COL2A1: variants seen among roughly 807,000 people sequenced by gnomAD.
COL2A1 encodes the protein collagen type II alpha 1 chain.
COL2A1 carries 28 observed loss-of-function variants against 204.5 expected under a neutral mutation model. The observed-to-expected ratio is 0.14, with a 90% CI of 0.10 to 0.19. The LOEUF is 0.19. Ranked by LOEUF, COL2A1 falls within the 10% of genes least tolerant of loss-of-function variation. COL2A1 has a pLI of 1.00. For missense variants in COL2A1, 1,388 were observed against 2,027.5 expected (o/e 0.68, Z 6.06); for synonymous variants, 708 against 718.7 (o/e 0.99, Z 0.24).
chr12:47,974,959 A>T, intron 51 of COL2A1, 97 bp from the exon 52 acceptor site: 1 of 1,283,730 alleles, frequency 7.8e-7, no homozygotes, highest in Admixed American at 2.1e-5. Flanking sequence ...AGAGAGGCCT[A>T]CAGGGACAAG....
At chr12:47,979,688 A>C in intron 40 of COL2A1, 124 bp from the exon 41 acceptor site, 1 of 898,318 alleles carries the variant, frequency 1.1e-6, no homozygotes, top group Non-Finnish European at 1.8e-6. Flanking sequence ...GCAAAGCAGC[A>C]AGGGGGATCC....
chr12:47,986,440 G>A lies in COL2A1; in HGVS notation c.1423C>T (p.Pro475Ser), dbSNP rs757226164. 5.8e-6 allele frequency: 9 copies of A among 1,552,764 alleles called. No individual in the cohort carries two copies. Among genetic ancestry groups the A allele is most frequent in the Non-Finnish European group, 7.9e-6 (9 of 1,145,960 alleles). ...GEQGPKGEPG[P>S]AGPQGAPGPA... ...CCAGGGGCTCCCTGGGGGCCAGCAG[G>A]GCCCTGAGGACCAGCAAAAAAGAGA... The change falls in exon 23 of 54, where the codon CCT (proline) becomes TCT (serine). Residue 475 changes from proline (P) to serine (S), a missense_variant. Physicochemically the swap from Pro to Ser is moderately conservative, Grantham distance 74 (BLOSUM62 -1). This residue lies in a region of COL2A1 where 884 missense variants were observed against 1,415.8 expected (regional missense o/e 0.62). Coordinates refer to ENST00000380518, the MANE Select transcript of COL2A1 (RefSeq NM_001844.5).
Position 47,985,926 on chromosome 12 carries a change from G to A in COL2A1, c.1567C>T (p.Leu523=). Residue 523 remains leucine, a synonymous_variant, in exon 24 of 54, where the codon CTG becomes TTG. Coordinates refer to ENST00000380518, the MANE Select transcript of COL2A1 (RefSeq NM_001844.5). ...GNRGFPGQDG[L]AGPKGAPGER... Reference sequence around the variant, plus strand: ...CTCCCACTCACCTTGGGACCTGCCAGACCATCTTGACCTGGGAAACCGCGG... The same window carrying A: ...CTCCCACTCACCTTGGGACCTGCCAAACCATCTTGACCTGGGAAACCGCGG... 1 of 1,552,288 alleles carries A rather than the reference G, an allele frequency of 6.4e-7. No homozygotes were observed.
intron 31 of COL2A1, 62 bp from the exon 32 acceptor site, chr12:47,983,199 C>T: frequency 1.9e-6 from 3 of 1,576,384 alleles, no homozygotes; most frequent in Non-Finnish European, 2.6e-6. Flanking sequence ...CTGAACAATT[C>T]TCCACAGCAG....
chr12:47,982,439 C>T lies in COL2A1; in HGVS notation c.2301+63G>A, dbSNP rs888396446. On this transcript the variant is annotated intron_variant, in intron 34 of 53. Transcript: ENST00000380518. ...GGTGCCATAAGGGAACGGAAGCGATCACAAGGGGCAGGAATGTGGCAAAGC... is the reference window on the plus strand; with the variant it reads ...GGTGCCATAAGGGAACGGAAGCGATTACAAGGGGCAGGAATGTGGCAAAGC... 14 of 1,385,600 alleles carry T rather than the reference C, an allele frequency of 1.0e-5. No individual in the cohort carries two copies. The African/African-American group carries it at 1.1e-4, about 11-fold the overall frequency. The allele number at this position is 1,385,600 out of a possible 1,614,324, so 85.8% of individuals were successfully genotyped here.
In COL2A1 at chr12:47,973,078, G is replaced by A; in HGVS notation, c.*329C>T. The A allele has an allele frequency of 1.7e-6, 1 of 595,986 alleles. No individual in the cohort carries two copies. The highest frequency in any genetic ancestry group is 3.0e-6 in the Non-Finnish European group (1 of 334,892). The allele number at this position is 595,986 out of a possible 1,614,324, so 36.9% of individuals were successfully genotyped here. A position where few individuals can be genotyped will look rare whatever the true frequency, so the allele number is the denominator to read the frequency against. On this transcript the variant is annotated 3_prime_UTR_variant, in exon 54 of 54. Transcript: ENST00000380518. ...AGGACACACACAGTTCCTGCGCCCG[G>A]CACCTGAAGGGAGGTCTTCTGGCCT...
intron 34 of COL2A1, among the ~76,000 whole-genome samples, 153 bp from the exon 35 acceptor site, chr12:47,982,313 G>A (rs1365905883): frequency 6.6e-6 from 1 of 152,188 alleles, no homozygotes; most frequent in East Asian, 1.9e-4. Flanking sequence ...CAGCAGGGGT[G>A]AGATGAAGGA....
At chr12:47,983,059 G>A in intron 32 of COL2A1, 34 bp downstream of exon 32, 1 of 1,612,734 alleles carries the variant, frequency 6.2e-7, no homozygotes, top group Non-Finnish European at 8.5e-7. Flanking sequence ...GCAGGCCCAA[G>A]GAGGCAGCCC....
chr12:47,992,521 T>C (rs1474238674), intron 16 of COL2A1, among the ~76,000 whole-genome samples: 1 of 152,160 alleles, frequency 6.6e-6, no homozygotes, highest in East Asian at 1.9e-4. Flanking sequence ...TCTAGGGCAT[T>C]TGAGCAACCA....
chr12:47,983,493 C>G, intron 30 of COL2A1, 55 bp from the exon 31 acceptor site: 1 of 1,580,640 alleles, frequency 6.3e-7, no homozygotes, highest in East Asian at 2.2e-5. Context: ...GCCCTGGCCC[C>G]CAGGGAGGCA....
chr12:47,986,991 C>T (rs1195031256), intron 21 of COL2A1, 87 bp downstream of exon 21: 4 of 1,583,690 alleles, frequency 2.5e-6, no homozygotes, highest in Non-Finnish European at 3.5e-6. Flanking sequence ...CGCTGTGAGG[C>T]CAGGGCAGGA....
chr12:47,984,852 C>A (rs1349756068), intron 27 of COL2A1, 143 bp downstream of exon 27: 2 of 801,130 alleles, frequency 2.5e-6, no homozygotes, highest in Middle Eastern at 2.3e-4. Context: ...CACATACAGA[C>A]CCCCACTGCC....
chr12:47,991,712 A>T (rs907782636), intron 16 of COL2A1, among the ~76,000 whole-genome samples: 2 of 152,222 alleles, frequency 1.3e-5, no homozygotes, highest in Non-Finnish European at 2.9e-5. Context: ...GGGAACAAGG[A>T]CAGGAGATGG....
intron 28 of COL2A1, 29 bp downstream of exon 28, chr12:47,984,515 CAA>C (rs754784117): frequency 8.1e-6 from 13 of 1,613,160 alleles, no homozygotes; most frequent in Non-Finnish European, 1.1e-5. Flanking sequence ...CGGCCAACAC[CAA>C]GTCATGGGCA....
chr12:48,003,314 T>TAC (rs148302257), intron 1 of COL2A1, among the ~76,000 whole-genome samples: 29 of 150,192 alleles, frequency 1.9e-4, no homozygotes, highest in Admixed American at 4.0e-4. Flanking sequence ...GACACACACA[T>TAC]ACACACACAC....
In COL2A1 at chr12:47,998,036, G is replaced by A. The variant is rs754127735; in HGVS notation, c.371C>T (p.Pro124Leu). ...AGAGATTTCTCCCTCTCTTACCTGA[G>A]GCCCAGGAGGTCCTTTGGGTCCTAC... ...DIVGPKGPPG[P>L]QGPAGEQGPR... is the part of the protein sequence containing the mutation. Residue 124 changes from proline (P) to leucine (L), a missense_variant, in exon 5 of 54, where the codon CCT becomes CTT. Around this residue, in one of 3 missense-constraint regions of COL2A1, gnomAD observed 201 missense variants for 242.4 expected, o/e 0.83. Transcript: ENST00000380518. The A allele has an allele frequency of 1.1e-5, 18 of 1,614,074 alleles. No homozygotes were observed. The highest frequency in any genetic ancestry group is 6.8e-6 in the Non-Finnish European group (8 of 1,180,032).
chr12:47,978,332 G>T lies in COL2A1; in HGVS notation c.2962C>A (p.Gln988Lys). ...GQRGIVGLPG[Q>K]RGERGFPGLP... ...CCAGGGAATCCTCTCTCACCACGTTGCCCAGGCAGACCGACGATGCCTCTC... is the reference window on the plus strand; with the variant it reads ...CCAGGGAATCCTCTCTCACCACGTTTCCCAGGCAGACCGACGATGCCTCTC... The change falls in exon 43 of 54, where the codon CAA becomes AAA. Residue 988 changes from glutamine (Q) to lysine (K), a missense_variant. Physicochemically the swap from Gln to Lys is moderately conservative, Grantham distance 53. Coordinates refer to ENST00000380518, the MANE Select transcript of COL2A1 (RefSeq NM_001844.5). This position sits in a 1 kb window ranked among gnomAD's most constrained non-coding sequence, Gnocchi z 5.5. The T allele has an allele frequency of 1.9e-6, 3 of 1,614,072 alleles. No homozygotes were observed. Among genetic ancestry groups the T allele is most frequent in the Non-Finnish European group, 1.7e-6 (2 of 1,180,024 alleles).
upstream of COL2A1, chr12:48,006,053 A>T (rs1315550975): frequency 6.6e-6 from 1 of 152,218 alleles, no homozygotes; most frequent in Non-Finnish European, 1.5e-5. Flanking sequence ...CATCTCCCCT[A>T]CCTTCCACGG....
In COL2A1 at chr12:47,986,292, G is replaced by A. The variant is rs41317921; in HGVS notation, c.1527+44C>T. 3.6e-3 allele frequency: 4,612 copies of A among 1,296,700 alleles called. 40 individuals carry two copies. Among genetic ancestry groups the A allele is most frequent in the African/African-American group, 0.028 (1,885 of 68,282 alleles). 80.3% of individuals were successfully genotyped at this position (1,296,700 alleles called of 1,614,324 possible). A position where few individuals can be genotyped will look rare whatever the true frequency, so the allele number is the denominator to read the frequency against. The stretch of plus-strand genomic sequence containing the variant: ...ACCACAAGGACTCCACTTCCCTCTC[G>A]AGGTCACAGGCCCCATGGGATGGAG... On this transcript the variant is annotated intron_variant, in intron 23 of 53. Transcript: ENST00000380518.
Sources: allele counts gnomAD v4.1 joint callset (sites outside exome capture counted in the v4.1 genomes callset), GRCh38; gene constraint gnomAD v4.1.1; regional missense constraint gnomAD v4.1.1; non-coding constraint Gnocchi (gnomAD v3.1); transcripts MANE v1.5; gene names NCBI Gene and HGNC (gene_info 2026-07-23, HGNC 2026-07-21).